Variants in CPA6 observed in about 807,000 individuals in gnomAD.
CPA6 encodes carboxypeptidase A6, also known as carboxypeptidase B.
CPA6 carries 58 observed loss-of-function variants against 63.3 expected under a neutral mutation model. That is an observed-to-expected ratio of 0.92 (90% CI 0.74 to 1.14). The LOEUF is 1.14. Ranked by LOEUF, CPA6 falls within the 50% of genes most tolerant of loss-of-function variation. The pLI, the probability that CPA6 is intolerant of heterozygous loss-of-function variation, is 0.00. For missense variants in CPA6, 565 were observed against 526.6 expected, an observed-to-expected ratio of 1.07 and a Z score of -0.71; for synonymous variants, 185 against 179.0, an observed-to-expected ratio of 1.03 and a Z score of -0.27.
chr8:67,616,686 C>T (rs900425522), intron 2 of CPA6, among the ~76,000 whole-genome samples: 1 of 152,102 alleles, frequency 6.6e-6, no homozygotes, highest in African/African-American at 2.4e-5. Flanking sequence ...CTGTGACTTT[C>T]TTTGGCTAGG....
At chr8:67,730,267 A>T (rs2129002901) in intron 1 of CPA6, among the ~76,000 whole-genome samples, 1 of 152,352 alleles carries the variant, frequency 6.6e-6, no homozygotes, top group Admixed American at 6.5e-5. Context: ...GATGGCTCAC[A>T]GAACTTAGGA....
intron 1 of CPA6, among the ~76,000 whole-genome samples, chr8:67,631,544 G>C (rs1399791153): frequency 6.6e-6 from 1 of 151,642 alleles, no homozygotes; most frequent in Non-Finnish European, 1.5e-5. Context: ...GGACCAATCA[G>C]CTCTCTGTAA....
At chr8:67,461,688 G>T (rs1443380115) in intron 8 of CPA6, among the ~76,000 whole-genome samples, 1 of 151,892 alleles carries the variant, frequency 6.6e-6, no homozygotes, top group Non-Finnish European at 1.5e-5. Context: ...GCCGGGCAGG[G>T]GGCTGACCCC....
intron 10 of CPA6, among the ~76,000 whole-genome samples, chr8:67,424,355 G>A (rs2128950623): frequency 1.3e-5 from 2 of 152,266 alleles, no homozygotes; most frequent in Non-Finnish European, 2.9e-5. Context: ...CCGGTCCCTG[G>A]TGCCAAAAAG....
At chr8:67,667,952 C>G (rs1475133837) in intron 1 of CPA6, among the ~76,000 whole-genome samples, 2 of 152,226 alleles carry the variant, frequency 1.3e-5, no homozygotes, top group Non-Finnish European at 2.9e-5. Flanking sequence ...GTCTAGCCAG[C>G]AGTAGCCACG....
intron 1 of CPA6, among the ~76,000 whole-genome samples, chr8:67,706,956 T>G (rs914203944): frequency 6.6e-6 from 1 of 152,188 alleles, no homozygotes; most frequent in African/African-American, 2.4e-5. Flanking sequence ...TTCTTATAAT[T>G]CTGATATAAT....
intron 1 of CPA6, among the ~76,000 whole-genome samples, chr8:67,742,262 G>A (rs1817927694): frequency 6.6e-6 from 1 of 152,048 alleles, no homozygotes; most frequent in South Asian, 2.1e-4. Flanking sequence ...CCTAGAGAAG[G>A]TGACCAAAAT....
Position 67,746,085 on chromosome 8 carries a change from C to T in CPA6, c.45G>A (p.Leu15=), listed in dbSNP as rs1818002843. ...TCTTCAAAAAGAGCCAGCAAAGAGG[C>T]AGGAAAGCAGCTGCCTGGCCCCTGC... The part of the protein sequence containing the change: ...GKRRGQAAAF[L]PLCWLFLKIL... Residue 15 remains leucine, a synonymous_variant, in exon 1 of 11, where the codon CTG becomes CTA. Coordinates refer to ENST00000297770, the MANE Select transcript of CPA6 (RefSeq NM_020361.5). 1.2e-6 allele frequency: 2 copies of T among 1,613,764 alleles called. No homozygotes were observed. The highest frequency in any genetic ancestry group is 2.2e-5 in the South Asian group (2 of 91,038).
At chr8:67,633,607 G>A (rs1815394741) in intron 1 of CPA6, among the ~76,000 whole-genome samples, 1 of 151,716 alleles carries the variant, frequency 6.6e-6, no homozygotes, top group Admixed American at 6.6e-5. Flanking sequence ...CGTGAACCAG[G>A]GAGGCGGAGC....
chr8:67,497,446 G>C (rs1385886222), intron 6 of CPA6, among the ~76,000 whole-genome samples: 1 of 151,992 alleles, frequency 6.6e-6, no homozygotes, highest in Non-Finnish European at 1.5e-5. Flanking sequence ...TCCTTTTATG[G>C]CTGAATAATG....
At chr8:67,498,824 T>TA (rs1811775424) in intron 6 of CPA6, among the ~76,000 whole-genome samples, 2 of 152,236 alleles carry the variant, frequency 1.3e-5, no homozygotes, top group African/African-American at 4.8e-5. Context: ...CTTACATGAT[T>TA]AAAAAAATTT....
intron 6 of CPA6, among the ~76,000 whole-genome samples, chr8:67,502,527 G>A (rs908486907): frequency 8.5e-5 from 13 of 152,166 alleles, no homozygotes; most frequent in Middle Eastern, 3.4e-3. Flanking sequence ...CCTTCTGCAT[G>A]CTTTGGGTTT....
At chr8:67,631,279 C>T (rs1267923041) in intron 1 of CPA6, among the ~76,000 whole-genome samples, 1 of 152,176 alleles carries the variant, frequency 6.6e-6, no homozygotes, top group Non-Finnish European at 1.5e-5. Flanking sequence ...TTGGATGCAC[C>T]AATCAGCACT....
At chr8:67,512,803 A>G (rs993308598) in intron 3 of CPA6, among the ~76,000 whole-genome samples, 4 of 152,250 alleles carry the variant, frequency 2.6e-5, no homozygotes, top group Admixed American at 2.6e-4. Context: ...ATATAATGGC[A>G]TCTTTAAATA....
chr8:67,637,539 G>A (rs1173493874), intron 1 of CPA6, among the ~76,000 whole-genome samples: 2 of 151,394 alleles, frequency 1.3e-5, no homozygotes, highest in African/African-American at 4.9e-5. Context: ...TTTCCACAGT[G>A]GAGAACAAAC....
At chr8:67,426,256 G>A (rs1340552293) in intron 10 of CPA6, among the ~76,000 whole-genome samples, 2 of 152,186 alleles carry the variant, frequency 1.3e-5, no homozygotes, top group Non-Finnish European at 2.9e-5. Flanking sequence ...GGCGTGAGCC[G>A]CCGCATCCGG....
chr8:67,698,744 T>G (rs751973773), intron 1 of CPA6, among the ~76,000 whole-genome samples: 4 of 152,254 alleles, frequency 2.6e-5, no homozygotes, highest in Non-Finnish European at 5.9e-5. Flanking sequence ...TTTTGTCACA[T>G]AGGGCCTACC....
chr8:67,720,988 ATG>A (rs1201020520), intron 1 of CPA6, among the ~76,000 whole-genome samples: 1 of 152,252 alleles, frequency 6.6e-6, no homozygotes, highest in Non-Finnish European at 1.5e-5. Context: ...GCAACCCACT[ATG>A]TGAAAAACTC....
intron 1 of CPA6, among the ~76,000 whole-genome samples, chr8:67,721,280 C>A (rs984813379): frequency 6.6e-6 from 1 of 152,226 alleles, no homozygotes; most frequent in Non-Finnish European, 1.5e-5. Flanking sequence ...ACCATGCGTG[C>A]CATTTGCTTT....
Sources: gnomAD v4.1 joint callset for allele counts (sites outside exome capture counted in the v4.1 genomes callset) on GRCh38, gnomAD v4.1.1 for gene constraint, MANE v1.5 for transcripts, NCBI Gene and HGNC (gene_info 2026-07-23, HGNC 2026-07-21) for gene names.